CADPS2: variants seen among roughly 807,000 people sequenced by gnomAD.
The protein encoded by CADPS2 is calcium dependent secretion activator 2.
Under a neutral mutation model 172.5 loss-of-function variants are expected in CADPS2, and 93 were observed. The observed-to-expected ratio is 0.54, with a 90% CI of 0.46 to 0.64. The LOEUF (loss-of-function observed/expected upper bound fraction) is 0.64, where lower values mean the gene tolerates loss of function less well. Ranked by LOEUF, CADPS2 falls within the 30% of genes least tolerant of loss-of-function variation. CADPS2 has a pLI of 0.00. For synonymous variants in CADPS2, 546 were observed against 555.2 expected (o/e 0.98, Z 0.23); for missense variants, 1,420 against 1,565.9 (o/e 0.91, Z 1.57).
chr7:122,813,894 T>C (rs963924427), intron 1 of CADPS2, among the ~76,000 whole-genome samples: 10 of 152,034 alleles, frequency 6.6e-5, no homozygotes, highest in African/African-American at 2.4e-4. Flanking sequence ...TCCCATAAAA[T>C]GTTAACCAGA....
chr7:122,874,284 T>C (rs796476069), intron 1 of CADPS2, among the ~76,000 whole-genome samples: 7 of 152,242 alleles, frequency 4.6e-5, no homozygotes, highest in African/African-American at 1.7e-4. Context: ...CCACTCACAA[T>C]TGCTACAAAG....
intron 2 of CADPS2, among the ~76,000 whole-genome samples, chr7:122,678,112 G>A (rs71574714): frequency 0.036 from 5,458 of 152,240 alleles, 187 homozygotes; most frequent in Non-Finnish European, 0.049. Context: ...TGTGGTAATG[G>A]ACTTTGGAAA....
chr7:122,792,598 T>C (rs935555068), intron 1 of CADPS2, among the ~76,000 whole-genome samples: 7 of 152,184 alleles, frequency 4.6e-5, no homozygotes, highest in Non-Finnish European at 8.8e-5. Flanking sequence ...CAACAGACTT[T>C]AGAGATACAC....
At chr7:122,433,406 G>GTT (rs112290645) in intron 17 of CADPS2, among the ~76,000 whole-genome samples, 90 of 140,264 alleles carry the variant, frequency 6.4e-4, no homozygotes, top group East Asian at 1.0e-3. Context: ...TGTTTTTTTG[G>GTT]TTTTTTTTTT....
chr7:122,772,755 C>G (rs1447603766), intron 1 of CADPS2, among the ~76,000 whole-genome samples: 1 of 152,108 alleles, frequency 6.6e-6, no homozygotes, highest in Non-Finnish European at 1.5e-5. Context: ...AAGCTGATGT[C>G]AGTTCTCAAA....
At chr7:122,599,469 C>T (rs2072412805) in intron 6 of CADPS2, among the ~76,000 whole-genome samples, 1 of 151,990 alleles carries the variant, frequency 6.6e-6, no homozygotes, top group African/African-American at 2.4e-5. Context: ...ATGCCCAAGT[C>T]TCTGGCTAAG....
chr7:122,425,381 A>G (rs2049028464), intron 17 of CADPS2, among the ~76,000 whole-genome samples: 1 of 142,910 alleles, frequency 7.0e-6, no homozygotes, highest in South Asian at 2.3e-4. Context: ...TGGGTTCAGG[A>G]GTTCAAGACC....
intron 1 of CADPS2, among the ~76,000 whole-genome samples, chr7:122,820,540 CTGTTTTTTGTTTTT>C (rs1360377216): frequency 7.5e-6 from 1 of 133,060 alleles, no homozygotes; most frequent in African/African-American, 3.1e-5. Flanking sequence ...CTTGACCTTA[CTGTTTTTTGTTTTT>C]TGTTTTTTTT....
chr7:122,474,089 A>G (rs1259445092), intron 13 of CADPS2, among the ~76,000 whole-genome samples: 1 of 152,096 alleles, frequency 6.6e-6, no homozygotes, highest in Non-Finnish European at 1.5e-5. Flanking sequence ...TTCTATTTTC[A>G]CTGAGCGTTC....
At chr7:122,815,912 A>G (rs550340305) in intron 1 of CADPS2, among the ~76,000 whole-genome samples, 1 of 152,302 alleles carries the variant, frequency 6.6e-6, no homozygotes, top group East Asian at 1.9e-4. Flanking sequence ...ATAGTTGTAC[A>G]TATTTAGGAG....
chr7:122,374,486 A>G (rs1180408214), intron 25 of CADPS2, among the ~76,000 whole-genome samples: 1 of 152,154 alleles, frequency 6.6e-6, no homozygotes, highest in Admixed American at 6.6e-5. Flanking sequence ...ATCAGGAAAG[A>G]ACAAGTAAAA....
intron 5 of CADPS2, among the ~76,000 whole-genome samples, chr7:122,618,566 T>A (rs1229775461): frequency 6.6e-6 from 1 of 152,158 alleles, no homozygotes; most frequent in African/African-American, 2.4e-5. Flanking sequence ...GTTTTTCAAA[T>A]CTGCACTTTA....
chr7:122,698,177 C>A (rs1396161513), intron 2 of CADPS2: 1 of 1,613,800 alleles, frequency 6.2e-7, no homozygotes, highest in Non-Finnish European at 8.5e-7. Context: ...GGATTTATTT[C>A]TTCATCCCCC....
chr7:122,373,469 A>G (rs2042002924), intron 25 of CADPS2, among the ~76,000 whole-genome samples: 1 of 152,196 alleles, frequency 6.6e-6, no homozygotes, highest in African/African-American at 2.4e-5. Context: ...TCTTAATGAA[A>G]TAAAACCACA....
intron 24 of CADPS2, among the ~76,000 whole-genome samples, chr7:122,379,842 G>A (rs1368655798): frequency 1.3e-5 from 2 of 152,126 alleles, no homozygotes; most frequent in Non-Finnish European, 2.9e-5. Context: ...TTTCATGTCT[G>A]ACAACTCTCA....
At chr7:122,783,641 G>A (rs764582172) in intron 1 of CADPS2, among the ~76,000 whole-genome samples, 1 of 152,234 alleles carries the variant, frequency 6.6e-6, no homozygotes, top group Non-Finnish European at 1.5e-5. Context: ...TTGCTACCAC[G>A]GCCCCAATCA....
At chr7:122,832,832 A>G (rs1807010028) in intron 1 of CADPS2, among the ~76,000 whole-genome samples, 1 of 152,162 alleles carries the variant, frequency 6.6e-6, no homozygotes, top group Non-Finnish European at 1.5e-5. Context: ...CCCTTTTTCT[A>G]TGAAATGAAG....
chr7:122,584,698 T>A (rs561699513), intron 6 of CADPS2, among the ~76,000 whole-genome samples: 1 of 152,142 alleles, frequency 6.6e-6, no homozygotes, highest in Non-Finnish European at 1.5e-5. Context: ...ACTATAAATT[T>A]GCTTTAAACA....
chr7:122,465,710 G>T (rs2055046146), intron 14 of CADPS2, among the ~76,000 whole-genome samples: 1 of 152,078 alleles, frequency 6.6e-6, no homozygotes, highest in Admixed American at 6.5e-5. Context: ...GTGCCAAAAA[G>T]GTTGAGGACC....
Sources: gnomAD v4.1 joint callset for allele counts (sites outside exome capture counted in the v4.1 genomes callset) on GRCh38, gnomAD v4.1.1 for gene constraint, MANE v1.5 for transcripts, NCBI Gene and HGNC (gene_info 2026-07-23, HGNC 2026-07-21) for gene names.